MGST1: variants seen among roughly 807,000 people sequenced by gnomAD.
The protein encoded by MGST1 is microsomal glutathione S-transferase 1, also known as glutathione S-transferase 12.
A neutral mutation model predicts 8.9 loss-of-function variants in MGST1; 5 were observed. The ratio of observed to expected loss-of-function variants is 0.56; its 90% CI spans 0.29 to 1.19. The LOEUF (loss-of-function observed/expected upper bound fraction) is 1.19, where lower values mean the gene tolerates loss of function less well. Among genes scored for constraint, MGST1 ranks in the 50% most tolerant of loss-of-function variants. MGST1 has a pLI of 0.08. For missense variants in MGST1, 182 were observed against 187.4 expected, an observed-to-expected ratio of 0.97 and a Z score of 0.17; for synonymous variants, 54 against 67.8, an observed-to-expected ratio of 0.80 and a Z score of 1.00.
At chr12:16,399,595 C>T (rs1253200173) in intron 1 of MGST1, 1 of 1,607,074 alleles carries the variant, frequency 6.2e-7, no homozygotes, top group Non-Finnish European at 8.5e-7. Context: ...TTAAAAGTCT[C>T]ATCTTCAATT....
At chr12:16,370,947 T>G (rs10846338) in intron 3 of MGST1, among the ~76,000 whole-genome samples, 1 of 152,082 alleles carries the variant, frequency 6.6e-6, no homozygotes, top group Non-Finnish European at 1.5e-5. Context: ...ATTTTGTGGG[T>G]TTAATGTCTC....
In MGST1 at chr12:16,560,528, C is replaced by G; in HGVS notation, n.483-29000C>G. On this transcript the variant is annotated intron_variant and non_coding_transcript_variant, in intron 4 of 4. Transcript: ENST00000538857. The surrounding 1 kb of genome is among the most constrained non-coding windows in gnomAD (Gnocchi z 5.0). ...CTACAGGCAGCGCAGTTTCCCGTTACACCAAAGAGCCTAGAATAAGAAACA... is the reference window on the plus strand; with the variant it reads ...CTACAGGCAGCGCAGTTTCCCGTTAGACCAAAGAGCCTAGAATAAGAAACA... The G allele has an allele frequency of 6.2e-7, 1 of 1,607,742 alleles. No homozygotes were observed. The highest frequency in any genetic ancestry group is 1.1e-5 in the South Asian group (1 of 89,376).
intron 1 of MGST1, among the ~76,000 whole-genome samples, chr12:16,407,409 A>G (rs920655417): frequency 6.6e-6 from 1 of 152,174 alleles, no homozygotes. Flanking sequence ...AAGCCAAAAA[A>G]TAACAGATGC....
chr12:16,545,637 C>T (rs1006414625), intron 4 of MGST1, among the ~76,000 whole-genome samples: 1 of 152,022 alleles, frequency 6.6e-6, no homozygotes, highest in Non-Finnish European at 1.5e-5. Flanking sequence ...TGTACCCTCA[C>T]GTCGATGCTG....
At chr12:16,455,714 G>C (rs531045164) in intron 4 of MGST1, among the ~76,000 whole-genome samples, 81 of 151,886 alleles carry the variant, frequency 5.3e-4, no homozygotes, top group African/African-American at 2.0e-3. Flanking sequence ...GGTTCATCAC[G>C]TGTTGAATTT....
chr12:16,484,987 T>A (rs1430555100), intron 4 of MGST1, among the ~76,000 whole-genome samples: 1 of 152,222 alleles, frequency 6.6e-6, no homozygotes, highest in Non-Finnish European at 1.5e-5. Context: ...CACTCTAACC[T>A]GAACCTGCTC....
chr12:16,462,392 T>C (rs2137126053), intron 4 of MGST1, among the ~76,000 whole-genome samples: 1 of 152,284 alleles, frequency 6.6e-6, no homozygotes, highest in South Asian at 2.1e-4. Context: ...TCCATTAATA[T>C]AATCTACAGA....
intron 1 of MGST1, among the ~76,000 whole-genome samples, chr12:16,383,792 T>A (rs1206703697): frequency 6.6e-6 from 1 of 152,240 alleles, no homozygotes; most frequent in East Asian, 1.9e-4. Flanking sequence ...TGTGTTAAGA[T>A]GTTGCCATGT....
chr12:16,407,421 G>A (rs192016950), intron 1 of MGST1, among the ~76,000 whole-genome samples: 77 of 152,180 alleles, frequency 5.1e-4, no homozygotes, highest in African/African-American at 1.3e-3. Context: ...AACAGATGCC[G>A]GCAAGGTTGT....
intron 4 of MGST1, among the ~76,000 whole-genome samples, chr12:16,495,808 C>T (rs183568539): frequency 6.6e-6 from 1 of 151,912 alleles, no homozygotes; most frequent in African/African-American, 2.4e-5. Context: ...TCTTCTGTCT[C>T]TCTTATCCAT....
rs1941193314 is a variant in MGST1 at position 16,458,359 on chromosome 12, A to G, written n.482+74755A>G. On this transcript the variant is annotated intron_variant and non_coding_transcript_variant, in intron 4 of 4. Transcript: ENST00000538857. This position sits in a 1 kb window ranked among gnomAD's most constrained non-coding sequence, Gnocchi z 4.0. Reference sequence around the variant, plus strand: ...GATTACCATAAGCAATTTAAATTTTATTGATCTCTCCTTCTGAAAGTTGTA... The same window carrying G: ...GATTACCATAAGCAATTTAAATTTTGTTGATCTCTCCTTCTGAAAGTTGTA... 6.6e-6 allele frequency among the ~76,000 whole-genome samples: 1 copy of G among 152,016 alleles called. No individual in the cohort carries two copies. The highest frequency in any genetic ancestry group is 2.4e-5 in the African/African-American group (1 of 41,434).
Position 16,560,575 on chromosome 12 carries a change from T to C in MGST1, n.483-28953T>C, listed in dbSNP as rs749273263. 3.2e-6 allele frequency: 5 copies of C among 1,584,182 alleles called. No individual in the cohort carries two copies. The African/African-American group carries it at 5.4e-5, about 17-fold the overall frequency. On this transcript the variant is annotated intron_variant and non_coding_transcript_variant, in intron 4 of 4. Coordinates refer to the MGST1 transcript ENST00000538857. The surrounding 1 kb of genome is among the most constrained non-coding windows in gnomAD (Gnocchi z 5.0). Reference sequence around the variant, plus strand: ...AACATTTTTTTTTTTTTACAAACTCTTACAGAGAAATCTGAGATCGTGAAG... The same window carrying C: ...AACATTTTTTTTTTTTTACAAACTCCTACAGAGAAATCTGAGATCGTGAAG...
chr12:16,432,856 G>T (rs1940951434), intron 1 of MGST1, among the ~76,000 whole-genome samples: 1 of 151,982 alleles, frequency 6.6e-6, no homozygotes, highest in East Asian at 1.9e-4. Flanking sequence ...CAAGACCAAA[G>T]AGCTGAAGGG....
At chr12:16,580,288 TA>T (rs1407722231) in intron 4 of MGST1, among the ~76,000 whole-genome samples, 3 of 152,252 alleles carry the variant, frequency 2.0e-5, no homozygotes, top group Middle Eastern at 6.8e-3. Context: ...TGTCAATGTT[TA>T]AAGCAACTTC....
intron 3 of MGST1, among the ~76,000 whole-genome samples, chr12:16,358,168 T>C (rs1175959526): frequency 6.6e-6 from 1 of 152,228 alleles, no homozygotes; most frequent in Non-Finnish European, 1.5e-5. Flanking sequence ...TATGTTTTAA[T>C]GTACTGGGAA....
intron 4 of MGST1, among the ~76,000 whole-genome samples, chr12:16,539,266 A>T (rs918335332): frequency 1.3e-5 from 2 of 152,166 alleles, no homozygotes; most frequent in Non-Finnish European, 2.9e-5. Flanking sequence ...TTTAAATAAG[A>T]TTTTTACATT....
chr12:16,385,692 CTTTT>C (rs11290450), intron 1 of MGST1, among the ~76,000 whole-genome samples: 1 of 138,400 alleles, frequency 7.2e-6, no homozygotes, highest in Admixed American at 7.2e-5. Context: ...AAAGGGCTTT[CTTTT>C]TTTTTTTTTT....
intron 2 of MGST1, 103 bp from the exon 3 acceptor site, chr12:16,357,502 C>T: frequency 3.6e-6 from 3 of 836,680 alleles, no homozygotes; most frequent in Non-Finnish European, 5.6e-6. Flanking sequence ...TTCTTGGGCT[C>T]AAGCAATCCT....
In MGST1 at chr12:16,509,733, T is replaced by C. The variant is rs376539758; in HGVS notation, n.483-79795T>C. On this transcript the variant is annotated intron_variant and non_coding_transcript_variant, in intron 4 of 4. Transcript: ENST00000538857. ...CTTCCGGAGTCAGTTTTGTCAACTA[T>C]GTTGGTCTCTTGTGCCTGAAACAAT... Among the ~76,000 whole-genome samples, 32 of 152,294 alleles carry C rather than the reference T, an allele frequency of 2.1e-4. No homozygotes were observed. In the East Asian group the frequency reaches 2.7e-3, roughly 13 times the overall value.
Sources: allele counts gnomAD v4.1 joint callset (sites outside exome capture counted in the v4.1 genomes callset), GRCh38; gene constraint gnomAD v4.1.1; non-coding constraint Gnocchi (gnomAD v3.1); transcripts MANE v1.5; gene names NCBI Gene and HGNC (gene_info 2026-07-23, HGNC 2026-07-21).